The following SH3GL2 variants were observed in gnomAD, a reference collection of about 807,000 sequenced individuals.
SH3GL2 encodes SH3 domain containing GRB2 like 2, endophilin A1.
Under a neutral mutation model 46.0 loss-of-function variants are expected in SH3GL2, and 24 were observed. That is an observed-to-expected ratio of 0.52 (90% confidence interval 0.38 to 0.73). The LOEUF is 0.73. Among genes scored for constraint, SH3GL2 ranks in the 30% least tolerant of loss-of-function variants. The pLI is 0.00. For synonymous variants in SH3GL2, 196 were observed against 147.1 expected (o/e 1.33, Z -2.40); for missense variants, 413 against 424.2 (o/e 0.97, Z 0.23).
chr9:17,629,809 C>T (rs1350535246), intron 1 of SH3GL2, among the ~76,000 whole-genome samples: 1 of 152,180 alleles, frequency 6.6e-6, no homozygotes, highest in Non-Finnish European at 1.5e-5. Context: ...GTCCAGGTGT[C>T]TCAGTCCAGG....
intron 1 of SH3GL2, among the ~76,000 whole-genome samples, chr9:17,729,773 A>T (rs1329424615): frequency 6.6e-6 from 1 of 151,994 alleles, no homozygotes; most frequent in Admixed American, 6.6e-5. Flanking sequence ...ATAGTTGTAG[A>T]TGTGTAGTGT....
chr9:17,628,228 G>T (rs189549829), intron 1 of SH3GL2, among the ~76,000 whole-genome samples: 27 of 152,248 alleles, frequency 1.8e-4, no homozygotes, highest in African/African-American at 6.3e-4. Flanking sequence ...ACTGGCACGT[G>T]GGCATTCATG....
At chr9:17,733,481 A>G (rs1299720280) in intron 1 of SH3GL2, among the ~76,000 whole-genome samples, 2 of 151,628 alleles carry the variant, frequency 1.3e-5, no homozygotes, top group East Asian at 2.0e-4. Flanking sequence ...CAGGTGCTGG[A>G]GAGGATGTGG....
At chr9:17,783,783 T>G (rs761317804) in intron 3 of SH3GL2, among the ~76,000 whole-genome samples, 1 of 152,080 alleles carries the variant, frequency 6.6e-6, no homozygotes, top group African/African-American at 2.4e-5. Context: ...CACCTAGAAG[T>G]AGATTCATGG....
chr9:17,615,827 A>G (rs1006147277), intron 1 of SH3GL2, among the ~76,000 whole-genome samples: 6 of 152,090 alleles, frequency 3.9e-5, no homozygotes, highest in Non-Finnish European at 8.8e-5. Context: ...CTAACTTTCT[A>G]GAACTCAGTC....
At chr9:17,618,539 G>C (rs1819057942) in intron 1 of SH3GL2, among the ~76,000 whole-genome samples, 1 of 152,250 alleles carries the variant, frequency 6.6e-6, no homozygotes, top group East Asian at 1.9e-4. Context: ...AATTCAGTTA[G>C]CAGTAAAACC....
At chr9:17,734,313 G>A (rs918265488) in intron 1 of SH3GL2, among the ~76,000 whole-genome samples, 1 of 152,110 alleles carries the variant, frequency 6.6e-6, no homozygotes, top group Non-Finnish European at 1.5e-5. Context: ...GAGTTTTCAT[G>A]TGATGTCACC....
intron 1 of SH3GL2, among the ~76,000 whole-genome samples, chr9:17,726,498 AAGT>A (rs1331587348): frequency 1.3e-5 from 2 of 152,124 alleles, no homozygotes; most frequent in African/African-American, 2.4e-5. Flanking sequence ...CTGGCTGTGG[AAGT>A]AGGTTTTGAC....
chr9:17,666,260 A>G (rs73645122), intron 1 of SH3GL2, among the ~76,000 whole-genome samples: 3,921 of 151,926 alleles, frequency 0.026, 71 homozygotes, highest in African/African-American at 0.035. Flanking sequence ...TAAAGTTCAT[A>G]TGTTTCTGTT....
At chr9:17,636,001 A>G (rs1464881925) in intron 1 of SH3GL2, among the ~76,000 whole-genome samples, 1 of 152,206 alleles carries the variant, frequency 6.6e-6, no homozygotes, top group Non-Finnish European at 1.5e-5. Context: ...AAGGTATTCA[A>G]GTACAGCCAC....
At chr9:17,641,562 G>A (rs558240318) in intron 1 of SH3GL2, among the ~76,000 whole-genome samples, 1 of 152,186 alleles carries the variant, frequency 6.6e-6, no homozygotes, top group African/African-American at 2.4e-5. Flanking sequence ...TCTACATTAG[G>A]TATTTCTTCT....
intron 1 of SH3GL2, among the ~76,000 whole-genome samples, chr9:17,606,378 A>G (rs556478837): frequency 1.3e-5 from 2 of 152,304 alleles, no homozygotes; most frequent in South Asian, 2.1e-4. Context: ...GGCGTAAGCC[A>G]CCATGCCCGC....
At chr9:17,646,045 A>G (rs948836485) in intron 1 of SH3GL2, among the ~76,000 whole-genome samples, 5 of 151,878 alleles carry the variant, frequency 3.3e-5, no homozygotes, top group Non-Finnish European at 7.4e-5. Context: ...ACATAGTCCC[A>G]TATTTCTTGG....
At chr9:17,603,487 A>G (rs1483618967) in intron 1 of SH3GL2, among the ~76,000 whole-genome samples, 1 of 152,194 alleles carries the variant, frequency 6.6e-6, no homozygotes, top group Non-Finnish European at 1.5e-5. Flanking sequence ...GCAACTGGGG[A>G]GTTGTGTAAC....
intron 1 of SH3GL2, among the ~76,000 whole-genome samples, chr9:17,650,354 A>G (rs1819924663): frequency 6.6e-6 from 1 of 152,066 alleles, no homozygotes; most frequent in Non-Finnish European, 1.5e-5. Flanking sequence ...TTGAGGTGAT[A>G]TCCACTTGAA....
intron 3 of SH3GL2, among the ~76,000 whole-genome samples, chr9:17,767,732 A>G (rs1409282919): frequency 6.6e-6 from 1 of 152,218 alleles, no homozygotes; most frequent in Admixed American, 6.5e-5. Context: ...CCATTTCCAC[A>G]TCCTGGCAAT....
chr9:17,583,110 C>T (rs1400000355), intron 1 of SH3GL2, among the ~76,000 whole-genome samples: 2 of 152,190 alleles, frequency 1.3e-5, no homozygotes, highest in Admixed American at 1.3e-4. Context: ...CAATCCATAA[C>T]AGTCGTTATT....
intron 1 of SH3GL2, among the ~76,000 whole-genome samples, chr9:17,661,525 T>A (rs1013014952): frequency 1.3e-5 from 2 of 152,230 alleles, no homozygotes; most frequent in African/African-American, 4.8e-5. Flanking sequence ...TCTCAAGTGA[T>A]ATATATACAT....
chr9:17,775,662 G>C (rs370213612), intron 3 of SH3GL2, among the ~76,000 whole-genome samples: 3 of 152,160 alleles, frequency 2.0e-5, no homozygotes, highest in East Asian at 3.8e-4. Flanking sequence ...AATGAGGCTT[G>C]GTTTCTATAA....
Sources: allele counts gnomAD v4.1 joint callset (sites outside exome capture counted in the v4.1 genomes callset), GRCh38; gene constraint gnomAD v4.1.1; transcripts MANE v1.5; gene names NCBI Gene and HGNC (gene_info 2026-07-23, HGNC 2026-07-21).